The following SAMMSON variants were observed in gnomAD, a reference collection of about 807,000 sequenced individuals.
SAMMSON encodes survival associated mitochondrial melanoma specific oncogenic non-coding RNA.
chr3:70,043,926 A>T (rs976088141), intron 3 of SAMMSON, among the ~76,000 whole-genome samples: 1 of 152,084 alleles, frequency 6.6e-6, no homozygotes, highest in African/African-American at 2.4e-5. Flanking sequence ...AAAATCTAAC[A>T]AAAGTTAAAG....
intron 2 of SAMMSON, among the ~76,000 whole-genome samples, chr3:70,416,168 A>G (rs1463251466): frequency 6.6e-6 from 1 of 152,212 alleles, no homozygotes; most frequent in African/African-American, 2.4e-5. Context: ...ACAATTTCTC[A>G]GTTCGTGGTC....
chr3:70,362,189 A>G (rs1035158040), intron 9 of SAMMSON, among the ~76,000 whole-genome samples: 2 of 152,210 alleles, frequency 1.3e-5, no homozygotes, highest in African/African-American at 2.4e-5. Context: ...CTCTCGGATG[A>G]TAAGTGGTGG....
At chr3:70,011,206 C>T (rs2066954148) in intron 1 of SAMMSON, among the ~76,000 whole-genome samples, 1 of 152,030 alleles carries the variant, frequency 6.6e-6, no homozygotes, top group Non-Finnish European at 1.5e-5. Context: ...TTTACTGGAA[C>T]ACCATGACTT....
chr3:70,224,036 T>C (rs1271458801), intron 4 of SAMMSON, among the ~76,000 whole-genome samples: 1 of 152,130 alleles, frequency 6.6e-6, no homozygotes, highest in Non-Finnish European at 1.5e-5. Flanking sequence ...TCCCCATATA[T>C]CTTGATCTCT....
intron 1 of SAMMSON, among the ~76,000 whole-genome samples, chr3:70,010,233 G>C (rs529192627): frequency 6.6e-6 from 1 of 151,826 alleles, no homozygotes; most frequent in African/African-American, 2.4e-5. Context: ...AATGTTGACC[G>C]TGGGGTGTTA....
intron 4 of SAMMSON, among the ~76,000 whole-genome samples, chr3:70,157,599 C>G (rs761229421): frequency 1.3e-5 from 2 of 151,946 alleles, no homozygotes; most frequent in Non-Finnish European, 2.9e-5. Flanking sequence ...ATACAATTGC[C>G]AGATTAAGAA....
chr3:70,280,112 C>T (rs926881855), intron 6 of SAMMSON, among the ~76,000 whole-genome samples: 3 of 152,104 alleles, frequency 2.0e-5, no homozygotes, highest in African/African-American at 7.2e-5. Context: ...CTATTTTTTG[C>T]CTCTTCCAGC....
intron 6 of SAMMSON, among the ~76,000 whole-genome samples, chr3:70,277,384 A>G (rs1161204818): frequency 2.0e-5 from 3 of 152,176 alleles, no homozygotes; most frequent in Non-Finnish European, 2.9e-5. Flanking sequence ...CTGGCCTCAC[A>G]CAGGCACTCT....
At chr3:70,384,887 G>A (rs1052633041) in intron 9 of SAMMSON, among the ~76,000 whole-genome samples, 1 of 152,052 alleles carries the variant, frequency 6.6e-6, no homozygotes, top group African/African-American at 2.4e-5. Flanking sequence ...GTCCAGTAAG[G>A]TAGTCACTAG....
At chr3:70,209,914 C>G (rs922129723) in intron 4 of SAMMSON, among the ~76,000 whole-genome samples, 2 of 152,048 alleles carry the variant, frequency 1.3e-5, no homozygotes, top group African/African-American at 2.4e-5. Context: ...ATTACAGCTG[C>G]TTTATCCCAT....
At chr3:70,094,360 T>C (rs2067316399) in intron 4 of SAMMSON, among the ~76,000 whole-genome samples, 4 of 152,158 alleles carry the variant, frequency 2.6e-5, no homozygotes, top group Admixed American at 1.3e-4. Context: ...GTTCTCAAAA[T>C]GCAAATATGA....
intron 2 of SAMMSON, among the ~76,000 whole-genome samples, chr3:70,404,544 T>A (rs1444525861): frequency 1.3e-5 from 2 of 152,166 alleles, no homozygotes; most frequent in African/African-American, 4.8e-5. Context: ...TTATATATAA[T>A]GTGAATGAGT....
In SAMMSON at chr3:70,363,866, G is replaced by A. The variant is rs183381454; in HGVS notation, n.913+5542G>A. Reference sequence around the variant, plus strand: ...AGAGTGTGAATTATCTGTTTATGACGTTTTCCACACATGTATTGATATTTT... The same window carrying A: ...AGAGTGTGAATTATCTGTTTATGACATTTTCCACACATGTATTGATATTTT... On this transcript the variant is annotated intron_variant and non_coding_transcript_variant, in intron 9 of 9. Coordinates refer to ENST00000642114, the Ensembl canonical transcript of SAMMSON. Among the ~76,000 whole-genome samples the A allele has an allele frequency of 1.2e-3, 179 of 150,488 alleles. 3 individuals carry two copies. In the Middle Eastern group the frequency reaches 0.024, roughly 20 times the overall value.
At chr3:70,196,576 G>A (rs904529252) in intron 4 of SAMMSON, among the ~76,000 whole-genome samples, 1 of 152,212 alleles carries the variant, frequency 6.6e-6, no homozygotes, top group Non-Finnish European at 1.5e-5. Context: ...ATTTGTGAAT[G>A]AGGTTGAATC....
At chr3:70,179,628 A>T (rs147543508) in intron 4 of SAMMSON, among the ~76,000 whole-genome samples, 1 of 152,186 alleles carries the variant, frequency 6.6e-6, no homozygotes, top group South Asian at 2.1e-4. Flanking sequence ...TAACACTAGG[A>T]TCTTTATCTA....
chr3:70,334,902 T>A (rs1209911450), intron 7 of SAMMSON, among the ~76,000 whole-genome samples: 2 of 152,132 alleles, frequency 1.3e-5, no homozygotes, highest in African/African-American at 4.8e-5. Context: ...GTCTACTATT[T>A]ATTTGGCACT....
At chr3:70,390,956 A>G (rs1306667580), downstream of SAMMSON, among the ~76,000 whole-genome samples, 5 of 152,108 alleles carry the variant, frequency 3.3e-5, no homozygotes, top group African/African-American at 1.2e-4. Flanking sequence ...CCAGCCAGAT[A>G]TTTTGTTGAC....
chr3:70,284,976 A>G (rs1398648458), intron 6 of SAMMSON, among the ~76,000 whole-genome samples: 2 of 152,142 alleles, frequency 1.3e-5, no homozygotes, highest in Non-Finnish European at 2.9e-5. Flanking sequence ...ACAATGTTAC[A>G]TGGGTTAAAC....
At chr3:70,110,913 C>A (rs73105957) in intron 4 of SAMMSON, among the ~76,000 whole-genome samples, 10,815 of 152,192 alleles carry the variant, frequency 0.071, 538 homozygotes, top group Non-Finnish European at 0.11. Flanking sequence ...AAATTAGTAA[C>A]CAGGGAGAAA....
Sources: gnomAD v4.1 joint callset for allele counts (sites outside exome capture counted in the v4.1 genomes callset) on GRCh38, gnomAD v4.1.1 for gene constraint, MANE v1.5 for transcripts, NCBI Gene and HGNC (gene_info 2026-07-23, HGNC 2026-07-21) for gene names.